Variants in ZFP1 observed in about 807,000 individuals in gnomAD.
The protein encoded by ZFP1 is zinc finger protein 1 homolog.
In ZFP1, 32 loss-of-function variants were observed where a neutral mutation model predicts 38.5. The ratio of observed to expected loss-of-function variants is 0.83; its 90% CI spans 0.63 to 1.12. The LOEUF (loss-of-function observed/expected upper bound fraction) is 1.12, where lower values mean the gene tolerates loss of function less well. Among genes scored for constraint, ZFP1 ranks in the 50% most tolerant of loss-of-function variants. ZFP1 has a pLI of 0.00. For missense variants in ZFP1, 616 were observed against 480.8 expected (o/e 1.28, Z -2.63); for synonymous variants, 245 against 168.8 (o/e 1.45, Z -3.50).
chr16:75,156,546 C>T (rs2037480981), intron 2 of ZFP1, among the ~76,000 whole-genome samples: 1 of 152,300 alleles, frequency 6.6e-6, no homozygotes, highest in South Asian at 2.1e-4. Context: ...CCAGGTATAG[C>T]CTGGCTTTGA....
intron 3 of ZFP1, 132 bp downstream of exon 3, chr16:75,167,028 C>G: frequency 2.0e-6 from 3 of 1,468,812 alleles, no homozygotes; most frequent in Non-Finnish European, 2.7e-6. Flanking sequence ...CCTGAGAGAT[C>G]TTGCAGCCTT....
the ZFP1 span, among the ~76,000 whole-genome samples, chr16:75,123,455 GTATATATATATATATATATATATATA>G: frequency 8.9e-4 from 78 of 87,274 alleles, 1 homozygote; most frequent in African/African-American, 2.7e-3. Context: ...GTGTGTATAT[GTATATATATATATATATATATATATA>G]TATATATATA....
chr16:75,154,427 G>A (rs2037368086), intron 2 of ZFP1, among the ~76,000 whole-genome samples: 1 of 152,008 alleles, frequency 6.6e-6, no homozygotes, highest in African/African-American at 2.4e-5. Flanking sequence ...GTTTTTTGGG[G>A]GCATGTTTTC....
chr16:75,131,594 G>A, the ZFP1 span, among the ~76,000 whole-genome samples: 1 of 152,006 alleles, frequency 6.6e-6, no homozygotes, highest in Non-Finnish European at 1.5e-5. Context: ...ATCCTAGCTG[G>A]GTCCTTCACC....
At chr16:75,144,998 C>T (rs1271992254), upstream of ZFP1, among the ~76,000 whole-genome samples, 1 of 152,128 alleles carries the variant, frequency 6.6e-6, no homozygotes, top group Non-Finnish European at 1.5e-5. Context: ...TCCAGCTTGG[C>T]TTATTTCACT....
chr16:75,162,510 GA>G (rs2037838746), intron 2 of ZFP1, among the ~76,000 whole-genome samples: 1 of 152,156 alleles, frequency 6.6e-6, no homozygotes, highest in African/African-American at 2.4e-5. Flanking sequence ...GTATGTTGAA[GA>G]TTTTTTTTAA....
upstream of ZFP1, among the ~76,000 whole-genome samples, chr16:75,147,474 A>G (rs887217345): frequency 2.1e-5 from 3 of 142,870 alleles, no homozygotes; most frequent in South Asian, 2.2e-4. Flanking sequence ...TTTTTAAGAG[A>G]TGAGGTTTCA....
intron 3 of ZFP1, among the ~76,000 whole-genome samples, chr16:75,167,534 G>A (rs1229707854): frequency 1.3e-5 from 2 of 152,062 alleles, no homozygotes; most frequent in Non-Finnish European, 2.9e-5. Context: ...GGGCACCTAG[G>A]TTGATTCCAT....
chr16:75,166,509 G>C (rs11865310), intron 2 of ZFP1: 836,258 of 983,324 alleles, frequency 0.85, 358,027 homozygotes, highest in Non-Finnish European at 0.87. Flanking sequence ...GATTACAGGT[G>C]TGAGCCACTA....
chr16:75,130,697 G>T, the ZFP1 span, among the ~76,000 whole-genome samples: 1 of 152,104 alleles, frequency 6.6e-6, no homozygotes. Context: ...ATCACCTGAG[G>T]GTGGCCTGAC....
the ZFP1 span, among the ~76,000 whole-genome samples, chr16:75,137,138 A>G: frequency 1.3e-5 from 2 of 152,138 alleles, no homozygotes; most frequent in African/African-American, 4.8e-5. Context: ...ATTATCTTGT[A>G]ATGTCAGAAA....
chr16:75,140,566 T>A, the ZFP1 span, among the ~76,000 whole-genome samples: 1 of 152,222 alleles, frequency 6.6e-6, no homozygotes, highest in African/African-American at 2.4e-5. Context: ...AGAGCTTGTG[T>A]CTTAGTCACA....
intron 2 of ZFP1, among the ~76,000 whole-genome samples, chr16:75,161,757 A>AAAATATATATATATATATATATATATAT (rs1555523069): frequency 7.0e-5 from 1 of 14,302 alleles, no homozygotes; most frequent in African/African-American, 2.7e-4. Context: ...AGTTTTATGA[A>AAAATATATATATATATATATATATATAT]ATATATATAT....
At chr16:75,167,370 C>A (rs1470986098) in intron 3 of ZFP1, among the ~76,000 whole-genome samples, 2 of 151,518 alleles carry the variant, frequency 1.3e-5, no homozygotes, top group South Asian at 4.2e-4. Context: ...AAGCATACCT[C>A]CAAATATCCG....
chr16:75,162,422 C>G (rs971640439), intron 2 of ZFP1, among the ~76,000 whole-genome samples: 2 of 152,104 alleles, frequency 1.3e-5, no homozygotes, highest in African/African-American at 4.8e-5. Context: ...GCGTCCAGCC[C>G]AAGTATAGGT....
At chr16:75,155,593 C>G (rs1452048490) in intron 2 of ZFP1, among the ~76,000 whole-genome samples, 1 of 152,074 alleles carries the variant, frequency 6.6e-6, no homozygotes, top group East Asian at 1.9e-4. Context: ...TGTGTTATAA[C>G]AACATATATA....
chr16:75,170,144 C>G lies in ZFP1; in HGVS notation c.1034C>G (p.Thr345Ser), dbSNP rs868697262. Residue 345 changes from threonine (T) to serine (S), a missense_variant, in exon 4 of 4, where the codon ACT becomes AGT. Transcript: ENST00000570010. ...QNSQLIIHMR[T>S]HTGEKPYECT... ...TCACAGCTCATCATACACATGAGAA[C>G]TCATACAGGAGAGAAACCCTATGAA... 5 of 1,613,912 alleles carry G rather than the reference C, an allele frequency of 3.1e-6. No individual in the cohort carries two copies. Among genetic ancestry groups the G allele is most frequent in the African/African-American group, 1.3e-5 (1 of 74,910 alleles).
At position 75,170,006 on chromosome 16, in the gene ZFP1, A is replaced by C; in HGVS notation, c.896A>C (p.Asn299Thr). ...IHTGERPYEC[N>T]ECAKTFFKKS... ...ACAGGAGAGCGACCCTATGAGTGTAACGAATGTGCAAAAACCTTCTTTAAG... is the reference window on the plus strand; with the variant it reads ...ACAGGAGAGCGACCCTATGAGTGTACCGAATGTGCAAAAACCTTCTTTAAG... The change falls in exon 4 of 4, where the codon AAC (asparagine) becomes ACC (threonine). Residue 299 changes from asparagine to threonine, a missense_variant. Coordinates refer to ENST00000570010, the MANE Select transcript of ZFP1 (RefSeq NM_153688.4). The C allele has an allele frequency of 6.2e-7, 1 of 1,614,178 alleles. No homozygotes were observed. Among genetic ancestry groups the C allele is most frequent in the South Asian group, 1.1e-5 (1 of 91,088 alleles).
At chr16:75,164,908 C>G (rs562474103) in intron 2 of ZFP1, among the ~76,000 whole-genome samples, 3 of 151,934 alleles carry the variant, frequency 2.0e-5, no homozygotes, top group Non-Finnish European at 2.9e-5. Flanking sequence ...TGGGTTCAAG[C>G]GATTCTCCTG....
Sources: allele counts gnomAD v4.1 joint callset (sites outside exome capture counted in the v4.1 genomes callset), GRCh38; gene constraint gnomAD v4.1.1; transcripts MANE v1.5; gene names NCBI Gene and HGNC (gene_info 2026-07-23, HGNC 2026-07-21).